The following CAPN2 variants were observed in gnomAD, a reference collection of about 807,000 sequenced individuals.
The protein encoded by CAPN2 is calpain-2 catalytic subunit.
CAPN2 carries 92 observed loss-of-function variants against 102.3 expected under a neutral mutation model. That is an observed-to-expected ratio of 0.90 (90% CI 0.76 to 1.07). The LOEUF (loss-of-function observed/expected upper bound fraction) is 1.07, where lower values mean the gene tolerates loss of function less well. Ranked by LOEUF, CAPN2 falls within the 50% of genes least tolerant of loss-of-function variation. The pLI is 0.00. For missense variants in CAPN2, 800 were observed against 909.4 expected, an observed-to-expected ratio of 0.88 and a Z score of 1.55; for synonymous variants, 340 against 355.4, an observed-to-expected ratio of 0.96 and a Z score of 0.49.
chr1:223,717,617 A>C (rs1571780809), intron 1 of CAPN2, 145 bp from the exon 2 acceptor site: 2 of 674,360 alleles, frequency 3.0e-6, no homozygotes, highest in Non-Finnish European at 5.4e-6. Flanking sequence ...CTCATGACAC[A>C]GAGTTCTGAC....
At chr1:223,734,180 G>A (rs1006252842) in intron 2 of CAPN2, among the ~76,000 whole-genome samples, 2 of 152,190 alleles carry the variant, frequency 1.3e-5, no homozygotes, top group African/African-American at 4.8e-5. Context: ...CTGGAGACCC[G>A]GTCAGGCCTG....
Position 223,725,004 on chromosome 1 carries a change from C to T in CAPN2, c.307+7173C>T, listed in dbSNP as rs940707664. ...AAACAGCTAAACCTACATCAATAAA[C>T]ATCTGTAAATATCAGGGTAGCGAAT... On this transcript the variant is annotated intron_variant, in intron 2 of 20. Transcript: ENST00000295006. This position sits in a 1 kb window ranked among gnomAD's most constrained non-coding sequence, Gnocchi z 4.1. Among the ~76,000 whole-genome samples the T allele has an allele frequency of 6.6e-6, 1 of 152,170 alleles. No individual in the cohort carries two copies. Among genetic ancestry groups the T allele is most frequent in the African/African-American group, 2.4e-5 (1 of 41,416 alleles).
intron 13 of CAPN2, 136 bp downstream of exon 13, chr1:223,761,753 A>G (rs1316343604): frequency 1.4e-6 from 1 of 708,686 alleles, no homozygotes; most frequent in Non-Finnish European, 2.4e-6. Context: ...CTGGGAATCC[A>G]AGAGTCGACT....
chr1:223,755,745 T>A lies in CAPN2; in HGVS notation c.1305+96T>A. On this transcript the variant is annotated intron_variant, in intron 10 of 20. Coordinates refer to ENST00000295006, the MANE Select transcript of CAPN2 (RefSeq NM_001748.5). This position sits in a 1 kb window ranked among gnomAD's most constrained non-coding sequence, Gnocchi z 4.1. ...CCCAGAGGCAGAACTGGGGATGGGATCCCAGACCGGGAGCTTGGCCAAGGA... is the reference window on the plus strand; with the variant it reads ...CCCAGAGGCAGAACTGGGGATGGGAACCCAGACCGGGAGCTTGGCCAAGGA... The A allele has an allele frequency of 8.0e-7, 1 of 1,254,522 alleles. No individual in the cohort carries two copies. The highest frequency in any genetic ancestry group is 1.6e-5 in the South Asian group (1 of 62,902). The allele number at this position is 1,254,522 out of a possible 1,614,324, so 77.7% of individuals were successfully genotyped here.
At chr1:223,736,067 G>T (rs1000641214) in intron 2 of CAPN2, among the ~76,000 whole-genome samples, 1 of 152,136 alleles carries the variant, frequency 6.6e-6, no homozygotes, top group Non-Finnish European at 1.5e-5. Context: ...GTGAGCCACC[G>T]CACCCAGCCT....
chr1:223,759,486 G>C lies in CAPN2; in HGVS notation c.1529+5G>C, dbSNP rs1326471682. 6.2e-7 allele frequency: 1 copy of C among 1,613,326 alleles called. No homozygotes were observed. The highest frequency in any genetic ancestry group is 8.5e-7 in the Non-Finnish European group (1 of 1,179,732). ...TGAAAAGAAAGCTGACTACCAGTAG[G>C]CGGTTTGGTCCCTTCCTCTCCCCAC... On this transcript the variant is annotated splice_donor_5th_base_variant and intron_variant, in intron 12 of 20. Coordinates refer to ENST00000295006, the MANE Select transcript of CAPN2 (RefSeq NM_001748.5). This position sits in a 1 kb window ranked among gnomAD's most constrained non-coding sequence, Gnocchi z 4.6.
At position 223,742,492 on chromosome 1, in the gene CAPN2, A is replaced by G. The variant is rs953816912; in HGVS notation, c.308-1608A>G. On this transcript the variant is annotated intron_variant, in intron 2 of 20. Transcript: ENST00000295006. ...TACATATATTACATATTTTATATAT[A>G]TGTGTGTATATATATATATATATAT... Among the ~76,000 whole-genome samples the G allele has an allele frequency of 4.0e-4, 50 of 124,576 alleles. 1 individual carries two copies. Among genetic ancestry groups the G allele is most frequent in the South Asian group, 1.6e-3 (6 of 3,640 alleles). The allele number at this position is 124,576 out of a possible 152,430, so 81.7% of individuals were successfully genotyped here.
intron 2 of CAPN2, among the ~76,000 whole-genome samples, chr1:223,721,371 G>A (rs528512134): frequency 6.6e-6 from 1 of 152,292 alleles, no homozygotes; most frequent in South Asian, 2.1e-4. Flanking sequence ...AGGCTGAGCT[G>A]CTCCTACCTC....
At chr1:223,720,101 T>A (rs539275869) in intron 2 of CAPN2, among the ~76,000 whole-genome samples, 2 of 152,144 alleles carry the variant, frequency 1.3e-5, no homozygotes, top group Non-Finnish European at 2.9e-5. Flanking sequence ...GTCCGAAGAC[T>A]GGGCAAGTAA....
At chr1:223,747,941 T>C (rs1395314508) in intron 5 of CAPN2, among the ~76,000 whole-genome samples, 1 of 152,042 alleles carries the variant, frequency 6.6e-6, no homozygotes, top group African/African-American at 2.4e-5. Flanking sequence ...CTGTCTGGGG[T>C]GTAATGGATG....
chr1:223,745,409 G>A lies in CAPN2; in HGVS notation c.530G>A (p.Trp177Ter). ...CATTCAGCCGAAGGGAGCGAGTTCTGGAGCGCCCTGCTGGAGAAGGCATAC... is the reference window on the plus strand; with the variant it reads ...CATTCAGCCGAAGGGAGCGAGTTCTAGAGCGCCCTGCTGGAGAAGGCATAC... ...FVHSAEGSEFWSALLEKAYAK... is the reference protein window; with the variant it reads ...FVHSAEGSEF The change falls in exon 4 of 21, where the codon TGG becomes TAG. Residue 177 changes from tryptophan (W) to a stop codon, truncating the protein, a stop_gained. Transcript: ENST00000295006. LOFTEE classifies it high-confidence loss of function. 1.2e-6 allele frequency: 2 copies of A among 1,614,236 alleles called. No individual in the cohort carries two copies. Among genetic ancestry groups the A allele is most frequent in the Non-Finnish European group, 1.7e-6 (2 of 1,180,038 alleles).
chr1:223,755,790 G>A lies in CAPN2; in HGVS notation c.1305+141G>A. 1 of 858,060 alleles carries A rather than the reference G, an allele frequency of 1.2e-6. No homozygotes were observed. The highest frequency in any genetic ancestry group is 1.7e-6 in the Non-Finnish European group (1 of 577,300). 53.2% of individuals were successfully genotyped at this position (858,060 alleles called of 1,614,324 possible). A position where few individuals can be genotyped will look rare whatever the true frequency, so the allele number is the denominator to read the frequency against. ...CAAGGAAAAACAAAACTACCAGCCT[G>A]GCCAGGCTCAGGAGTAGCCCCCGTA... On this transcript the variant is annotated intron_variant, in intron 10 of 20. Coordinates refer to ENST00000295006, the MANE Select transcript of CAPN2 (RefSeq NM_001748.5). The surrounding 1 kb of genome is among the most constrained non-coding windows in gnomAD (Gnocchi z 4.1).
At chr1:223,750,158 T>G (rs1362573647) in intron 6 of CAPN2, among the ~76,000 whole-genome samples, 1 of 152,206 alleles carries the variant, frequency 6.6e-6, no homozygotes, top group Non-Finnish European at 1.5e-5. Context: ...TTTGAAAATT[T>G]TCACGTATAC....
In CAPN2 at chr1:223,731,409, C is replaced by T. The variant is rs748337581; in HGVS notation, c.308-12691C>T. Among the ~76,000 whole-genome samples the T allele has an allele frequency of 2.1e-4, 32 of 152,114 alleles. No homozygotes were observed. The highest frequency in any genetic ancestry group is 4.4e-5 in the Non-Finnish European group (3 of 68,024). On this transcript the variant is annotated intron_variant, in intron 2 of 20. Transcript: ENST00000295006. The surrounding 1 kb of genome is among the most constrained non-coding windows in gnomAD (Gnocchi z 4.2). ...GCCTGTTCTGGACTCTGCACTTGACCTTCCCTCTCCCTGAAAGTGCCCCTG... is the reference window on the plus strand; with the variant it reads ...GCCTGTTCTGGACTCTGCACTTGACTTTCCCTCTCCCTGAAAGTGCCCCTG...
chr1:223,739,218 C>G (rs1490943323), intron 2 of CAPN2, among the ~76,000 whole-genome samples: 1 of 141,952 alleles, frequency 7.0e-6, no homozygotes, highest in East Asian at 2.1e-4. Flanking sequence ...GAGTCTCACT[C>G]TGTGCCCCAG....
intron 1 of CAPN2, among the ~76,000 whole-genome samples, chr1:223,702,598 T>C (rs1052452684): frequency 1.3e-5 from 2 of 152,030 alleles, no homozygotes; most frequent in Non-Finnish European, 2.9e-5. Context: ...TCTAAGTCCA[T>C]AGAAAAGTCT....
chr1:223,704,940 T>A (rs1459843212), intron 1 of CAPN2, among the ~76,000 whole-genome samples: 1 of 152,156 alleles, frequency 6.6e-6, no homozygotes, highest in African/African-American at 2.4e-5. Context: ...GGATGGGTAG[T>A]TGGCTGCCCC....
intron 2 of CAPN2, among the ~76,000 whole-genome samples, chr1:223,730,917 G>T (rs1660322981): frequency 6.6e-6 from 1 of 152,256 alleles, no homozygotes; most frequent in African/African-American, 2.4e-5. Context: ...TAACCCCGTT[G>T]TAAGTTAAGG....
chr1:223,733,101 GC>G (rs1660371412), intron 2 of CAPN2, among the ~76,000 whole-genome samples: 1 of 152,096 alleles, frequency 6.6e-6, no homozygotes, highest in Non-Finnish European at 1.5e-5. Context: ...GCACCAACCT[GC>G]CCACACACCT....
Sources: gnomAD v4.1 joint callset for allele counts (sites outside exome capture counted in the v4.1 genomes callset) on GRCh38, gnomAD v4.1.1 for gene constraint, Gnocchi (gnomAD v3.1) non-coding constraint, MANE v1.5 for transcripts, NCBI Gene and HGNC (gene_info 2026-07-23, HGNC 2026-07-21) for gene names.